FAM222B: variants seen among roughly 807,000 people sequenced by gnomAD.
FAM222B encodes the protein family with sequence similarity 222 member B, also known as protein FAM222B.
FAM222B carries 12 observed loss-of-function variants against 38.0 expected under a neutral mutation model. The ratio of observed to expected loss-of-function variants is 0.32; its 90% confidence interval spans 0.20 to 0.51. The LOEUF is 0.51. Ranked by LOEUF, FAM222B falls within the 20% of genes least tolerant of loss-of-function variation. FAM222B has a pLI of 0.97. For missense variants in FAM222B, 716 were observed against 754.2 expected (o/e 0.95, Z 0.59); for synonymous variants, 329 against 317.2 (o/e 1.04, Z -0.40).
At chr17:28,814,373 G>T (rs930722948) in intron 1 of FAM222B, among the ~76,000 whole-genome samples, 1 of 152,074 alleles carries the variant, frequency 6.6e-6, no homozygotes, top group African/African-American at 2.4e-5. Flanking sequence ...AGCAGTCTAG[G>T]CTACCTTGGA....
Position 28,787,137 on chromosome 17 carries a change from G to A in FAM222B, c.-40-20430C>T, listed in dbSNP as rs552934883. ...AGACGGGGTTTCACCATGTTAGCCA[G>A]GATGGTATGATCTCCTGACCTCGTG... On this transcript the variant is annotated intron_variant, in intron 1 of 2. Coordinates refer to ENST00000581407, the MANE Select transcript of FAM222B (RefSeq NM_001077498.3). Among the ~76,000 whole-genome samples the A allele has an allele frequency of 1.2e-4, 19 of 152,096 alleles. No individual in the cohort carries two copies. In the East Asian group the frequency reaches 3.7e-3, roughly 29 times the overall value.
At chr17:28,807,090 A>G (rs764996185) in intron 1 of FAM222B, among the ~76,000 whole-genome samples, 8 of 151,196 alleles carry the variant, frequency 5.3e-5, no homozygotes, top group Non-Finnish European at 1.0e-4. Flanking sequence ...ATCTCGGCTC[A>G]CTGCAACCTC....
At chr17:28,813,080 C>A (rs2151930759) in intron 1 of FAM222B, among the ~76,000 whole-genome samples, 1 of 72,506 alleles carries the variant, frequency 1.4e-5, no homozygotes, top group East Asian at 4.6e-4. Context: ...AAGTATGTAT[C>A]TAGAAGTTGG....
At chr17:28,790,675 A>G (rs565360693) in intron 1 of FAM222B, among the ~76,000 whole-genome samples, 2 of 152,230 alleles carry the variant, frequency 1.3e-5, no homozygotes, top group South Asian at 2.1e-4. Context: ...AGAGGATCTG[A>G]TAATTATATG....
intron 1 of FAM222B, 124 bp from the exon 2 acceptor site, chr17:28,766,831 G>T: frequency 1.7e-6 from 1 of 583,212 alleles, no homozygotes. Flanking sequence ...AATTAGCAGT[G>T]TGTTGGTTGA....
chr17:28,771,643 T>C (rs1168037825), intron 1 of FAM222B, among the ~76,000 whole-genome samples: 4 of 152,234 alleles, frequency 2.6e-5, no homozygotes, highest in South Asian at 4.1e-4. Context: ...ATTTTGCCAC[T>C]GCACACCAGC....
At chr17:28,843,442 CTTTTTTTTTTTT>C (rs1161514672), upstream of FAM222B, among the ~76,000 whole-genome samples, 2 of 87,002 alleles carry the variant, frequency 2.3e-5, no homozygotes, top group Non-Finnish European at 4.5e-5. Context: ...CAGCCTGGGT[CTTTTTTTTTTTT>C]TTTTTTTTTT....
rs1567874754 is a variant in FAM222B, at chr17:28,813,025, GGGGGGGGGGGGGGGGGA to G, written c.-41+29640_-41+29656del. Among the ~76,000 whole-genome samples, 6 of 65,308 alleles carry G rather than the reference GGGGGGGGGGGGGGGGGA, an allele frequency of 9.2e-5. 1 individual carries two copies. Among genetic ancestry groups the G allele is most frequent in the African/African-American group, 1.6e-4 (3 of 19,318 alleles). The allele number at this position is 65,308 out of a possible 152,430, so 42.8% of individuals were successfully genotyped here. A position where few individuals can be genotyped will look rare whatever the true frequency, so the allele number is the denominator to read the frequency against. On this transcript the variant is annotated intron_variant, in intron 1 of 2. Transcript: ENST00000581407. ...TTCCCGTGACGCAGAAATTAAGCGG[GGGGGGGGGGGGGGGGGA>G]GGGGGGGGCGTTGGAGGCATGTTGG...
chr17:28,764,196 C>T (rs1420295631), intron 2 of FAM222B, among the ~76,000 whole-genome samples: 37 of 143,404 alleles, frequency 2.6e-4, no homozygotes, highest in Non-Finnish European at 7.5e-5. Context: ...TGCTTAAACC[C>T]GGGAGATGGA....
intron 1 of FAM222B, among the ~76,000 whole-genome samples, chr17:28,799,459 G>A (rs932781335): frequency 2.7e-5 from 4 of 150,634 alleles, no homozygotes; most frequent in Admixed American, 6.6e-5. Flanking sequence ...CACCACGACC[G>A]GCTAATTTTT....
intron 1 of FAM222B, among the ~76,000 whole-genome samples, chr17:28,801,778 T>C (rs186258871): frequency 2.9e-4 from 44 of 152,200 alleles, no homozygotes; most frequent in Admixed American, 2.8e-3. Flanking sequence ...CCTTTTAAAG[T>C]AGATTAAGTC....
chr17:28,770,980 A>G (rs2035602865), intron 1 of FAM222B, among the ~76,000 whole-genome samples: 1 of 150,632 alleles, frequency 6.6e-6, no homozygotes. Context: ...ATGTGTGTGT[A>G]TATATATGTG....
At chr17:28,797,610 A>T (rs905257785) in intron 1 of FAM222B, among the ~76,000 whole-genome samples, 3 of 152,184 alleles carry the variant, frequency 2.0e-5, no homozygotes, top group Non-Finnish European at 2.9e-5. Context: ...AAATCATTTT[A>T]AAAAGGTGGT....
intron 1 of FAM222B, among the ~76,000 whole-genome samples, chr17:28,810,682 A>T (rs2037718899): frequency 6.6e-6 from 1 of 152,206 alleles, no homozygotes; most frequent in Non-Finnish European, 1.5e-5. Context: ...GAGTAATAAA[A>T]ACCCAAAACC....
At chr17:28,853,248 C>T (rs568047070) in intron 1 of FAM222B, among the ~76,000 whole-genome samples, 1 of 150,774 alleles carries the variant, frequency 6.6e-6, no homozygotes, top group African/African-American at 2.4e-5. Context: ...TCTGTAGTCA[C>T]AGCTACTAGC....
intron 1 of FAM222B, among the ~76,000 whole-genome samples, chr17:28,808,615 G>T (rs2037600712): frequency 6.6e-6 from 1 of 152,204 alleles, no homozygotes; most frequent in South Asian, 2.1e-4. Flanking sequence ...TCAGGATTCA[G>T]ACTCATAGCA....
chr17:28,810,764 A>G (rs758473474), intron 1 of FAM222B, among the ~76,000 whole-genome samples: 4 of 152,230 alleles, frequency 2.6e-5, no homozygotes, highest in African/African-American at 4.8e-5. Context: ...CTTCTTTTTA[A>G]AAAAGGTAAA....
At chr17:28,840,318 A>C (rs563512212) in intron 1 of FAM222B, among the ~76,000 whole-genome samples, 12 of 152,206 alleles carry the variant, frequency 7.9e-5, no homozygotes, top group African/African-American at 2.9e-4. Flanking sequence ...ATGAGCCGAG[A>C]TTGCGCTACT....
chr17:28,811,172 G>A (rs1459898333), intron 1 of FAM222B, among the ~76,000 whole-genome samples: 2 of 152,202 alleles, frequency 1.3e-5, no homozygotes, highest in African/African-American at 2.4e-5. Flanking sequence ...CAGGCGCGGT[G>A]GCTCACGCCT....
Sources: allele counts gnomAD v4.1 joint callset (sites outside exome capture counted in the v4.1 genomes callset), GRCh38; gene constraint gnomAD v4.1.1; transcripts MANE v1.5; gene names NCBI Gene and HGNC (gene_info 2026-07-23, HGNC 2026-07-21).